LPCAT2: variants seen among roughly 807,000 people sequenced by gnomAD.
The protein encoded by LPCAT2 is 1-AGP acyltransferase 11.
Under a neutral mutation model 64.7 loss-of-function variants are expected in LPCAT2, and 58 were observed. The observed-to-expected ratio is 0.90, with a 90% CI of 0.73 to 1.12. The LOEUF (loss-of-function observed/expected upper bound fraction) is 1.12. Ranked by LOEUF, LPCAT2 falls within the 50% of genes most tolerant of loss-of-function variation. The probability of loss-of-function intolerance (pLI) is 0.00; values close to 1 mark genes in which losing one functional copy is unlikely to be tolerated. For synonymous variants in LPCAT2, 252 were observed against 245.3 expected, an observed-to-expected ratio of 1.03 and a Z score of -0.26; for missense variants, 579 against 669.8, an observed-to-expected ratio of 0.86 and a Z score of 1.50.
At chr16:55,515,311 G>A (rs1383312802) in intron 1 of LPCAT2, among the ~76,000 whole-genome samples, 13 of 152,114 alleles carry the variant, frequency 8.5e-5, no homozygotes, top group African/African-American at 3.1e-4. Flanking sequence ...AAGAGCCACA[G>A]AGACCACAAG....
At chr16:55,547,579 ACTGT>A (rs1293059959) in intron 9 of LPCAT2, among the ~76,000 whole-genome samples, 2 of 152,312 alleles carry the variant, frequency 1.3e-5, no homozygotes, top group Admixed American at 6.5e-5. Flanking sequence ...CTAGGTAGTG[ACTGT>A]CTGGGCTAGA....
chr16:55,549,269 A>G lies in LPCAT2; in HGVS notation c.936-8A>G. Reference sequence around the variant, plus strand: ...AATGAATTTTAGTTTGCTTCTTAATACTTTTAGAGCTCTGGGAATACCAGT... The same window carrying G: ...AATGAATTTTAGTTTGCTTCTTAATGCTTTTAGAGCTCTGGGAATACCAGT... On this transcript the variant is annotated splice_region_variant and splice_polypyrimidine_tract_variant and intron_variant, in intron 9 of 13. Coordinates refer to ENST00000262134, the MANE Select transcript of LPCAT2 (RefSeq NM_017839.5). The G allele has an allele frequency of 1.3e-6, 2 of 1,537,578 alleles. No homozygotes were observed. The highest frequency in any genetic ancestry group is 1.7e-6 in the Non-Finnish European group (2 of 1,151,074).
At chr16:55,555,929 C>T (rs1001173426) in intron 11 of LPCAT2, among the ~76,000 whole-genome samples, 11 of 152,190 alleles carry the variant, frequency 7.2e-5, no homozygotes, top group Non-Finnish European at 1.2e-4. Context: ...ATTCTCCTGC[C>T]TCAGCCTCCC....
intron 1 of LPCAT2, among the ~76,000 whole-genome samples, chr16:55,522,034 G>T (rs565124254): frequency 6.6e-6 from 1 of 151,700 alleles, no homozygotes; most frequent in Non-Finnish European, 1.5e-5. Context: ...ATATTGATTA[G>T]AATGGAAAAA....
At chr16:55,551,142 G>A (rs765254427) in intron 11 of LPCAT2, 40 bp downstream of exon 11, 12 of 1,538,612 alleles carry the variant, frequency 7.8e-6, no homozygotes, top group Admixed American at 1.8e-5. Context: ...TACTCTGTCA[G>A]TCCTACAGTG....
intron 4 of LPCAT2, among the ~76,000 whole-genome samples, chr16:55,530,297 A>G (rs1212536884): frequency 6.6e-6 from 1 of 152,096 alleles, no homozygotes; most frequent in Non-Finnish European, 1.5e-5. Flanking sequence ...AGTATCTCCT[A>G]TTTCATATTT....
intron 11 of LPCAT2, among the ~76,000 whole-genome samples, chr16:55,565,296 G>A (rs752991616): frequency 6.6e-6 from 1 of 151,972 alleles, no homozygotes; most frequent in African/African-American, 2.4e-5. Context: ...AAAAGCGTAT[G>A]GTAGTTCCTT....
chr16:55,528,303 T>C lies in LPCAT2; in HGVS notation c.312-74T>C, dbSNP rs534347194. ...ACTCTGACATGTTTTGGTTTTCTTA[T>C]TGTATTATAGAGTAAAACCCTGCTG... is the stretch of plus-strand genomic sequence containing the variant. On this transcript the variant is annotated intron_variant, in intron 2 of 13. Transcript: ENST00000262134. The C allele has an allele frequency of 6.4e-4, 737 of 1,147,576 alleles. 3 individuals carry two copies. The highest frequency in any genetic ancestry group is 1.1e-3 in the Admixed American group (48 of 44,528). 71.1% of individuals were successfully genotyped at this position (1,147,576 alleles called of 1,614,324 possible).
intron 11 of LPCAT2, among the ~76,000 whole-genome samples, chr16:55,564,529 A>C (rs1438999242): frequency 6.6e-6 from 1 of 152,006 alleles, no homozygotes; most frequent in South Asian, 2.1e-4. Flanking sequence ...TAGAGATCCC[A>C]GAAGAAACCC....
intron 1 of LPCAT2, among the ~76,000 whole-genome samples, chr16:55,522,354 A>G (rs1963109247): frequency 6.6e-6 from 1 of 151,762 alleles, no homozygotes; most frequent in Admixed American, 6.6e-5. Flanking sequence ...AGAGAGATAT[A>G]CCATGTTTAT....
chr16:55,549,120 ACATGT>A (rs1333199150), intron 9 of LPCAT2, among the ~76,000 whole-genome samples, 152 bp from the exon 10 acceptor site: 1 of 152,220 alleles, frequency 6.6e-6, no homozygotes, highest in Non-Finnish European at 1.5e-5. Context: ...AAATGGAGAA[ACATGT>A]CTCTTTGTCA....
chr16:55,556,503 C>G (rs778655617), intron 11 of LPCAT2, among the ~76,000 whole-genome samples: 2 of 152,138 alleles, frequency 1.3e-5, no homozygotes, highest in African/African-American at 4.8e-5. Flanking sequence ...CAGGGCCGGG[C>G]GCGGTGGCTC....
chr16:55,552,492 T>C lies in LPCAT2; in HGVS notation c.1215+1390T>C, dbSNP rs1027086158. Among the ~76,000 whole-genome samples the C allele has an allele frequency of 3.9e-5, 6 of 152,342 alleles. No individual in the cohort carries two copies. The Middle Eastern group carries it at 0.017, about 432-fold the overall frequency. On this transcript the variant is annotated intron_variant, in intron 11 of 13. Coordinates refer to ENST00000262134, the MANE Select transcript of LPCAT2 (RefSeq NM_017839.5). The stretch of plus-strand genomic sequence containing the variant: ...ACTTAAGAGTAAGAACCCTTTGTTT[T>C]ATCTTATTTGAGAATTACCTTGTTT...
At position 55,584,951 on chromosome 16, in the gene LPCAT2, T is replaced by C. The variant is rs918609312; in HGVS notation, c.*1853T>C. 6.6e-6 allele frequency: 1 copy of C among 152,200 alleles called. No homozygotes were observed. Among genetic ancestry groups the C allele is most frequent in the East Asian group, 1.9e-4 (1 of 5,196 alleles). 9.4% of individuals were successfully genotyped at this position (152,200 alleles called of 1,614,324 possible). A position where few individuals can be genotyped will look rare whatever the true frequency, so the allele number is the denominator to read the frequency against. ...CATATGCAATGAATGTATGTAATAC[T>C]AAAAAATCATGACTACTTTTATCAA... is the stretch of plus-strand genomic sequence containing the variant. On this transcript the variant is annotated 3_prime_UTR_variant, in exon 14 of 14. Coordinates refer to ENST00000262134, the MANE Select transcript of LPCAT2 (RefSeq NM_017839.5).
At position 55,532,232 on chromosome 16, in the gene LPCAT2, C is replaced by T. The variant is rs1433833109; in HGVS notation, c.703+258C>T. 1.1e-5 allele frequency: 4 copies of T among 372,306 alleles called. No homozygotes were observed. The East Asian group carries it at 1.3e-4, about 12-fold the overall frequency. The allele number at this position is 372,306 out of a possible 1,614,324, so 23.1% of individuals were successfully genotyped here. On this transcript the variant is annotated intron_variant, in intron 5 of 13. Transcript: ENST00000262134. The stretch of plus-strand genomic sequence containing the variant: ...GGCTGTGTGTGTGTTTGGGAACCCT[C>T]ACGGACACATAAGGTTCTATGTCAT...
intron 1 of LPCAT2, among the ~76,000 whole-genome samples, chr16:55,520,322 G>T (rs1463905555): frequency 6.6e-6 from 1 of 152,152 alleles, no homozygotes; most frequent in East Asian, 1.9e-4. Flanking sequence ...CGGTCAGTGG[G>T]AAAACTTAGC....
intron 1 of LPCAT2, among the ~76,000 whole-genome samples, chr16:55,523,727 A>G (rs1338375626): frequency 6.6e-6 from 1 of 151,902 alleles, no homozygotes; most frequent in Non-Finnish European, 1.5e-5. Flanking sequence ...AGGTAAAACT[A>G]CAGTGAAAGA....
chr16:55,574,927 A>G (rs1210462849), intron 12 of LPCAT2, among the ~76,000 whole-genome samples, 198 bp downstream of exon 12: 1 of 152,240 alleles, frequency 6.6e-6, no homozygotes, highest in African/African-American at 2.4e-5. Flanking sequence ...AAAAGTTTCT[A>G]GAAGTAGCCT....
intron 12 of LPCAT2, among the ~76,000 whole-genome samples, chr16:55,575,050 C>T (rs1180361565): frequency 1.3e-5 from 2 of 152,038 alleles, no homozygotes; most frequent in Admixed American, 1.3e-4. Flanking sequence ...AAATAAACAC[C>T]ACCTGTCACT....
Sources: gnomAD v4.1 joint callset for allele counts (sites outside exome capture counted in the v4.1 genomes callset) on GRCh38, gnomAD v4.1.1 for gene constraint, MANE v1.5 for transcripts, NCBI Gene and HGNC (gene_info 2026-07-23, HGNC 2026-07-21) for gene names.